DLG2: variants seen among roughly 807,000 people sequenced by gnomAD.
The protein encoded by DLG2 is disks large homolog 2.
A neutral mutation model predicts 132.5 loss-of-function variants in DLG2; 45 were observed. The observed-to-expected ratio is 0.34, with a 90% confidence interval of 0.27 to 0.44. The LOEUF (loss-of-function observed/expected upper bound fraction) is 0.44, where lower values mean the gene tolerates loss of function less well. DLG2 is among the 20% of genes least tolerant of loss of function. The pLI is 1.00. For missense variants in DLG2, 1,045 were observed against 1,196.9 expected, an observed-to-expected ratio of 0.87 and a Z score of 1.87; for synonymous variants, 424 against 419.6, an observed-to-expected ratio of 1.01 and a Z score of -0.13.
chr11:84,287,957 A>G (rs187353373), intron 7 of DLG2, among the ~76,000 whole-genome samples: 155 of 118,874 alleles, frequency 1.3e-3, no homozygotes, highest in South Asian at 0.013. Flanking sequence ...TGGAGTTTGG[A>G]TTAAAAAAAT....
intron 6 of DLG2, among the ~76,000 whole-genome samples, chr11:84,844,133 GTGTATATATA>G (rs1487727959): frequency 1.9e-4 from 5 of 25,992 alleles, no homozygotes; most frequent in African/African-American, 5.9e-4. Context: ...GTGTGTGTGT[GTGTATATATA>G]TATATATATA....
chr11:83,731,609 T>C (rs1038486715), intron 18 of DLG2, among the ~76,000 whole-genome samples: 1 of 152,238 alleles, frequency 6.6e-6, no homozygotes, highest in East Asian at 1.9e-4. Flanking sequence ...CATGTGCATA[T>C]GTCTTTGCAG....
chr11:85,617,361 T>G (rs1274670461), intron 2 of DLG2, among the ~76,000 whole-genome samples: 1 of 152,260 alleles, frequency 6.6e-6, no homozygotes, highest in Admixed American at 6.5e-5. Context: ...ATTCATCTTC[T>G]GTATCTCATC....
chr11:85,533,435 A>C, intron 3 of DLG2, among the ~76,000 whole-genome samples: 1 of 147,726 alleles, frequency 6.8e-6, no homozygotes, highest in East Asian at 1.9e-4. Context: ...ATATATATGA[A>C]ATACATATAT....
chr11:83,521,242 C>T (rs1362438562), intron 21 of DLG2, among the ~76,000 whole-genome samples: 1 of 152,154 alleles, frequency 6.6e-6, no homozygotes, highest in Non-Finnish European at 1.5e-5. Context: ...GGGTAAGGTA[C>T]AAAAGTGCTT....
At chr11:83,687,196 C>T (rs1272600879) in intron 18 of DLG2, among the ~76,000 whole-genome samples, 2 of 152,124 alleles carry the variant, frequency 1.3e-5, no homozygotes, top group African/African-American at 4.8e-5. Context: ...AATGTTGAAA[C>T]AATACATTTC....
At chr11:84,245,741 T>G (rs1411847079) in intron 8 of DLG2, among the ~76,000 whole-genome samples, 2 of 152,250 alleles carry the variant, frequency 1.3e-5, no homozygotes, top group Non-Finnish European at 2.9e-5. Context: ...CCTCTGACAC[T>G]TTGTTTAGTG....
intron 7 of DLG2, among the ~76,000 whole-genome samples, chr11:84,288,558 A>G (rs774792852): frequency 2.0e-4 from 30 of 152,152 alleles, no homozygotes; most frequent in Non-Finnish European, 3.7e-4. Context: ...CTAAGATAGA[A>G]TAAGATGTGT....
At chr11:83,604,524 G>GT (rs889816083) in intron 19 of DLG2, among the ~76,000 whole-genome samples, 4 of 152,122 alleles carry the variant, frequency 2.6e-5, no homozygotes, top group African/African-American at 4.8e-5. Flanking sequence ...AAATTTCAGG[G>GT]TTTTTTAGGG....
intron 8 of DLG2, among the ~76,000 whole-genome samples, chr11:84,236,093 T>C (rs971601643): frequency 1.8e-4 from 27 of 151,886 alleles, no homozygotes; most frequent in African/African-American, 6.5e-4. Flanking sequence ...CTTAAGTAAT[T>C]TCCTCAAGTT....
chr11:84,331,023 A>G (rs891647814), intron 7 of DLG2, among the ~76,000 whole-genome samples: 13 of 152,208 alleles, frequency 8.5e-5, no homozygotes, highest in Admixed American at 6.5e-4. Flanking sequence ...TCTGATGGAA[A>G]TGGTTTTCTA....
intron 6 of DLG2, among the ~76,000 whole-genome samples, chr11:85,096,381 A>ACGAACCCAC (rs1315262646): frequency 6.6e-6 from 1 of 152,114 alleles, no homozygotes; most frequent in Non-Finnish European, 1.5e-5. Context: ...TAGCAAGACC[A>ACGAACCCAC]CGAACCCACC....
At chr11:85,195,151 T>C (rs531408851) in intron 4 of DLG2, among the ~76,000 whole-genome samples, 2 of 152,272 alleles carry the variant, frequency 1.3e-5, no homozygotes, top group Non-Finnish European at 2.9e-5. Flanking sequence ...GGGTGGGAGA[T>C]GGCCCCTGGA....
At chr11:84,619,996 C>A (rs1594002553) in intron 6 of DLG2, among the ~76,000 whole-genome samples, 1 of 150,596 alleles carries the variant, frequency 6.6e-6, no homozygotes, top group African/African-American at 2.4e-5. Flanking sequence ...AAAGACACAC[C>A]TGAAGAAAAA....
intron 10 of DLG2, among the ~76,000 whole-genome samples, chr11:84,060,822 C>T (rs563864381): frequency 6.9e-4 from 105 of 152,184 alleles, no homozygotes; most frequent in African/African-American, 2.3e-3. Flanking sequence ...TTTCCCCCAC[C>T]ACCACGCAGT....
intron 3 of DLG2, among the ~76,000 whole-genome samples, chr11:85,468,379 C>G: frequency 6.6e-6 from 1 of 151,986 alleles, no homozygotes; most frequent in Non-Finnish European, 1.5e-5. Flanking sequence ...GCTCTTGCTT[C>G]TCTAGTTCTT....
At chr11:84,867,853 T>G (rs1366074126) in intron 6 of DLG2, among the ~76,000 whole-genome samples, 1 of 152,060 alleles carries the variant, frequency 6.6e-6, no homozygotes, top group Non-Finnish European at 1.5e-5. Flanking sequence ...GGCGGGTGGA[T>G]CACGAAGTCA....
At chr11:85,122,501 T>C (rs1477998935) in intron 5 of DLG2, among the ~76,000 whole-genome samples, 1 of 152,142 alleles carries the variant, frequency 6.6e-6, no homozygotes, top group Non-Finnish European at 1.5e-5. Flanking sequence ...GGATCTGAGA[T>C]AGGCAGTTAG....
intron 7 of DLG2, among the ~76,000 whole-genome samples, chr11:84,320,109 C>T (rs905065319): frequency 5.9e-5 from 9 of 152,098 alleles, no homozygotes; most frequent in Non-Finnish European, 1.3e-4. Flanking sequence ...CAAGAATTAG[C>T]GATGCACAAG....
Sources: gnomAD v4.1 joint callset for allele counts (sites outside exome capture counted in the v4.1 genomes callset) on GRCh38, gnomAD v4.1.1 for gene constraint, MANE v1.5 for transcripts, NCBI Gene and HGNC (gene_info 2026-07-23, HGNC 2026-07-21) for gene names.